NRG1: variants seen among roughly 807,000 people sequenced by gnomAD.
The protein encoded by NRG1 is pro-neuregulin-1, membrane-bound isoform.
Under a neutral mutation model 63.8 loss-of-function variants are expected in NRG1, and 18 were observed. The ratio of observed to expected loss-of-function variants is 0.28; its 90% CI spans 0.19 to 0.42. NRG1 has a LOEUF of 0.42. Among genes scored for constraint, NRG1 ranks in the 10% least tolerant of loss-of-function variants. The pLI, the probability that NRG1 is intolerant of heterozygous loss-of-function variation, is 1.00. For missense variants in NRG1, 762 were observed against 814.7 expected, an observed-to-expected ratio of 0.94 and a Z score of 0.79; for synonymous variants, 302 against 301.3, an observed-to-expected ratio of 1.00 and a Z score of -0.02.
At chr8:31,931,716 T>C (rs988768578) in intron 1 of NRG1, among the ~76,000 whole-genome samples, 2 of 152,130 alleles carry the variant, frequency 1.3e-5, no homozygotes, top group Non-Finnish European at 2.9e-5. Flanking sequence ...TTCTAATAGC[T>C]TATCCCAGAA....
chr8:32,158,362 A>T (rs1195302876), intron 1 of NRG1, among the ~76,000 whole-genome samples: 5 of 149,844 alleles, frequency 3.3e-5, no homozygotes, highest in Admixed American at 2.7e-4. Context: ...TTAAAAAAAG[A>T]TTAAAATAAT....
intron 1 of NRG1, among the ~76,000 whole-genome samples, chr8:32,210,186 G>T (rs1844547146): frequency 6.6e-6 from 1 of 152,072 alleles, no homozygotes; most frequent in Non-Finnish European, 1.5e-5. Context: ...TACAATCCAG[G>T]ACCCAAAGAG....
chr8:32,075,839 A>G (rs2131085753), intron 1 of NRG1, among the ~76,000 whole-genome samples: 1 of 152,024 alleles, frequency 6.6e-6, no homozygotes, highest in South Asian at 2.1e-4. Flanking sequence ...CACCCACCTA[A>G]TTTTTGTGTT....
chr8:32,133,014 A>ACT (rs1310518671), intron 1 of NRG1, among the ~76,000 whole-genome samples: 1 of 132,824 alleles, frequency 7.5e-6, no homozygotes. Context: ...CTTTCCCCCC[A>ACT]CTCTCTCTCT....
intron 1 of NRG1, among the ~76,000 whole-genome samples, chr8:32,234,546 G>T (rs1325272405): frequency 6.6e-6 from 1 of 152,102 alleles, no homozygotes; most frequent in Non-Finnish European, 1.5e-5. Flanking sequence ...ATATTTGCTC[G>T]CTCTACATTC....
intron 1 of NRG1, among the ~76,000 whole-genome samples, chr8:32,262,617 A>G (rs1045658430): frequency 6.6e-6 from 1 of 152,182 alleles, no homozygotes; most frequent in Non-Finnish European, 1.5e-5. Flanking sequence ...TATGCCCTTG[A>G]TTGTAAAACC....
chr8:32,364,700 A>C (rs1374826523), intron 1 of NRG1, among the ~76,000 whole-genome samples: 1 of 152,108 alleles, frequency 6.6e-6, no homozygotes, highest in African/African-American at 2.4e-5. Context: ...TTAGAATTGG[A>C]ATTGTGAAGT....
intron 5 of NRG1, among the ~76,000 whole-genome samples, chr8:32,675,400 T>A (rs888806169): frequency 6.6e-6 from 1 of 152,212 alleles, no homozygotes; most frequent in Non-Finnish European, 1.5e-5. Context: ...TTTGTGGATG[T>A]TCTTTGGCTT....
At chr8:31,741,516 C>T (rs1055235338) in intron 1 of NRG1, among the ~76,000 whole-genome samples, 6 of 151,950 alleles carry the variant, frequency 3.9e-5, no homozygotes, top group African/African-American at 1.4e-4. Context: ...ACATAAGGAA[C>T]ATCTAAAAGT....
chr8:32,629,042 T>A (rs1377729521), intron 5 of NRG1, among the ~76,000 whole-genome samples: 2 of 152,128 alleles, frequency 1.3e-5, no homozygotes, highest in East Asian at 3.9e-4. Flanking sequence ...CCCCTGCTTA[T>A]TTTTTAAGGT....
chr8:32,674,252 T>C (rs1806465556), intron 5 of NRG1, among the ~76,000 whole-genome samples: 1 of 152,232 alleles, frequency 6.6e-6, no homozygotes, highest in South Asian at 2.1e-4. Flanking sequence ...AAATTGTAAT[T>C]ATTCAAAGTC....
At chr8:32,191,222 T>A (rs1842464097) in intron 1 of NRG1, among the ~76,000 whole-genome samples, 1 of 152,034 alleles carries the variant, frequency 6.6e-6, no homozygotes, top group Non-Finnish European at 1.5e-5. Context: ...GTAGTTGGGA[T>A]TACAGGCACC....
At chr8:31,756,382 G>A (rs1391941844) in intron 1 of NRG1, among the ~76,000 whole-genome samples, 1 of 152,078 alleles carries the variant, frequency 6.6e-6, no homozygotes, top group Non-Finnish European at 1.5e-5. Context: ...GGTACAGCTT[G>A]TTTTGTGCTG....
intron 1 of NRG1, among the ~76,000 whole-genome samples, chr8:32,532,843 T>G (rs180695988): frequency 5.9e-5 from 9 of 152,038 alleles, no homozygotes; most frequent in African/African-American, 2.2e-4. Flanking sequence ...TTAAAATGCC[T>G]TAAGAAAAAT....
intron 1 of NRG1, among the ~76,000 whole-genome samples, chr8:32,153,459 G>C (rs1362346181): frequency 2.0e-5 from 3 of 152,150 alleles, no homozygotes; most frequent in African/African-American, 7.2e-5. Flanking sequence ...TGCCACCCTA[G>C]TCTATTAGCT....
chr8:31,747,068 G>A (rs1815952656), intron 1 of NRG1, among the ~76,000 whole-genome samples: 1 of 151,824 alleles, frequency 6.6e-6, no homozygotes, highest in African/African-American at 2.4e-5. Flanking sequence ...GTACAAAAAG[G>A]TAGTTAGAAA....
chr8:31,789,344 G>T (rs1820472753), intron 1 of NRG1, among the ~76,000 whole-genome samples: 1 of 152,184 alleles, frequency 6.6e-6, no homozygotes, highest in African/African-American at 2.4e-5. Flanking sequence ...GGCTGTAGCA[G>T]GCTGTTACTG....
intron 1 of NRG1, among the ~76,000 whole-genome samples, chr8:32,226,882 C>T (rs776120659): frequency 5.3e-5 from 8 of 152,222 alleles, no homozygotes; most frequent in Non-Finnish European, 7.4e-5. Flanking sequence ...AATAACTCAG[C>T]TCACTGCTGA....
chr8:32,715,429 A>G (rs1016476360), intron 5 of NRG1, among the ~76,000 whole-genome samples: 7 of 152,168 alleles, frequency 4.6e-5, no homozygotes, highest in Non-Finnish European at 1.5e-5. Context: ...CATGAAAGGC[A>G]TGAGGAAATG....
Sources: gnomAD v4.1 joint callset for allele counts (sites outside exome capture counted in the v4.1 genomes callset) on GRCh38, gnomAD v4.1.1 for gene constraint, MANE v1.5 for transcripts, NCBI Gene and HGNC (gene_info 2026-07-23, HGNC 2026-07-21) for gene names.